Variants in NCALD observed in about 807,000 individuals in gnomAD.
The protein encoded by NCALD is neurocalcin-delta.
Under a neutral mutation model 18.6 loss-of-function variants are expected in NCALD, and 10 were observed. The observed-to-expected ratio is 0.54, with a 90% CI of 0.33 to 0.91. NCALD has a LOEUF of 0.91. NCALD is among the 40% of genes least tolerant of loss of function. The probability of loss-of-function intolerance (pLI) is 0.03; values close to 1 mark genes in which losing one functional copy is unlikely to be tolerated. For missense variants in NCALD, 184 were observed against 247.6 expected (o/e 0.74, Z 1.72); for synonymous variants, 88 against 87.4 (o/e 1.01, Z -0.04).
At chr8:101,695,383 G>A (rs930941352) in intron 2 of NCALD, among the ~76,000 whole-genome samples, 1 of 152,160 alleles carries the variant, frequency 6.6e-6, no homozygotes, top group Non-Finnish European at 1.5e-5. Context: ...TGTCTCACGT[G>A]GTCCTTCTAG....
At chr8:102,025,231 TATTTGG>T (rs1426759129) in intron 1 of NCALD, among the ~76,000 whole-genome samples, 1 of 152,234 alleles carries the variant, frequency 6.6e-6, no homozygotes, top group Admixed American at 6.5e-5. Context: ...TCAGGTTCAT[TATTTGG>T]CTTAAGGTCA....
intron 2 of NCALD, among the ~76,000 whole-genome samples, chr8:101,960,309 C>T (rs1021681873): frequency 6.6e-6 from 1 of 151,976 alleles, no homozygotes; most frequent in African/African-American, 2.4e-5. Flanking sequence ...CAGAACTTAC[C>T]CAGGGAAAAA....
intron 2 of NCALD, among the ~76,000 whole-genome samples, chr8:101,698,805 A>G (rs1337290240): frequency 6.6e-6 from 1 of 152,192 alleles, no homozygotes; most frequent in Non-Finnish European, 1.5e-5. Flanking sequence ...ACTTAACTGT[A>G]AAACCCAAAA....
intron 2 of NCALD, among the ~76,000 whole-genome samples, chr8:101,948,493 T>C (rs1391403287): frequency 6.6e-6 from 1 of 152,114 alleles, no homozygotes; most frequent in Non-Finnish European, 1.5e-5. Context: ...AGTAAGCAGT[T>C]GAATAATCCC....
chr8:101,817,523 C>T (rs779526869), intron 4 of NCALD, among the ~76,000 whole-genome samples: 17 of 151,848 alleles, frequency 1.1e-4, no homozygotes, highest in Admixed American at 3.9e-4. Context: ...AATGCAGGTG[C>T]CCAGAATAAA....
rs575889685 is a variant in NCALD, at chr8:102,009,908, C to T, written c.-157+10329G>A. Among the ~76,000 whole-genome samples, 6 of 152,362 alleles carry T rather than the reference C, an allele frequency of 3.9e-5. No individual in the cohort carries two copies. In the East Asian group the frequency reaches 9.6e-4, roughly 24 times the overall value. ...GCACTGCTGGTATGTTCGAGCTGTACATGAGACACATTCACTTCAGGGGCA... is the reference window on the plus strand; with the variant it reads ...GCACTGCTGGTATGTTCGAGCTGTATATGAGACACATTCACTTCAGGGGCA... On this transcript the variant is annotated intron_variant, in intron 2 of 6. Transcript: ENST00000311028.
intron 2 of NCALD, among the ~76,000 whole-genome samples, chr8:101,694,894 G>A (rs1169607327): frequency 1.3e-5 from 2 of 152,074 alleles, no homozygotes; most frequent in South Asian, 2.1e-4. Flanking sequence ...GATTTAACAC[G>A]CCCAGGTGAA....
chr8:102,110,791 G>A (rs1393748207), intron 1 of NCALD, among the ~76,000 whole-genome samples: 3 of 152,056 alleles, frequency 2.0e-5, no homozygotes, highest in Admixed American at 6.6e-5. Flanking sequence ...AAAGGTTATC[G>A]TACAGAAATA....
chr8:101,794,920 G>A (rs1336716780), upstream of NCALD, among the ~76,000 whole-genome samples: 2 of 152,128 alleles, frequency 1.3e-5, no homozygotes, highest in Non-Finnish European at 2.9e-5. Context: ...TTTTGTGAAA[G>A]GGAGAAGGCC....
chr8:102,023,899 A>G (rs1011808967), intron 1 of NCALD, among the ~76,000 whole-genome samples: 3 of 152,168 alleles, frequency 2.0e-5, no homozygotes, highest in African/African-American at 7.2e-5. Flanking sequence ...GCATCTCAAG[A>G]ATGCCCCAAC....
chr8:102,081,485 A>G (rs1824522554), intron 1 of NCALD, among the ~76,000 whole-genome samples: 1 of 149,386 alleles, frequency 6.7e-6, no homozygotes, highest in African/African-American at 2.4e-5. Context: ...CTGGGCTTCA[A>G]AACAGTTTAG....
At chr8:101,892,942 G>C (rs1179761419) in intron 3 of NCALD, among the ~76,000 whole-genome samples, 3 of 149,446 alleles carry the variant, frequency 2.0e-5, no homozygotes, top group Non-Finnish European at 4.4e-5. Flanking sequence ...ACACTCTGCA[G>C]GATATTATCC....
chr8:101,882,909 A>G (rs1816540856), intron 4 of NCALD, among the ~76,000 whole-genome samples: 1 of 152,164 alleles, frequency 6.6e-6, no homozygotes, highest in Non-Finnish European at 1.5e-5. Flanking sequence ...TAAGTCAGTA[A>G]TGGCTTTAAG....
chr8:101,910,832 G>A (rs1200271644), intron 3 of NCALD, among the ~76,000 whole-genome samples: 1 of 152,132 alleles, frequency 6.6e-6, no homozygotes, highest in Non-Finnish European at 1.5e-5. Context: ...CCATGAGAAA[G>A]AGCTCTGAAG....
intron 2 of NCALD, among the ~76,000 whole-genome samples, chr8:101,978,092 G>A (rs140319315): frequency 7.6e-4 from 115 of 150,944 alleles, no homozygotes; most frequent in African/African-American, 2.6e-3. Flanking sequence ...CCAGTGACCC[G>A]AATATAAATA....
At chr8:101,690,113 T>A (rs1563653844) in intron 3 of NCALD, among the ~76,000 whole-genome samples, 2 of 146,648 alleles carry the variant, frequency 1.4e-5, no homozygotes, top group East Asian at 4.1e-4. Flanking sequence ...GGGCTCCCAC[T>A]CCGACCCCGG....
At chr8:101,805,049 C>T (rs1470313678) in intron 4 of NCALD, among the ~76,000 whole-genome samples, 1 of 152,078 alleles carries the variant, frequency 6.6e-6, no homozygotes. Context: ...GCTCCATGGA[C>T]CTGTTCCCCA....
chr8:101,832,099 C>G (rs1814213723), intron 4 of NCALD, among the ~76,000 whole-genome samples: 1 of 152,214 alleles, frequency 6.6e-6, no homozygotes, highest in African/African-American at 2.4e-5. Context: ...ATGAGCATCT[C>G]TGGAGTGCTT....
At chr8:102,080,479 T>C (rs1463474417) in intron 1 of NCALD, among the ~76,000 whole-genome samples, 3 of 152,210 alleles carry the variant, frequency 2.0e-5, no homozygotes, top group Non-Finnish European at 4.4e-5. Flanking sequence ...TATTGTTCTG[T>C]TCCTGTCAGA....
Sources: allele counts gnomAD v4.1 joint callset (sites outside exome capture counted in the v4.1 genomes callset), GRCh38; gene constraint gnomAD v4.1.1; transcripts MANE v1.5; gene names NCBI Gene and HGNC (gene_info 2026-07-23, HGNC 2026-07-21).